SDCCAG8: variants seen among roughly 807,000 people sequenced by gnomAD.
SDCCAG8 encodes the protein SHH signaling and ciliogenesis regulator SDCCAG8.
Under a neutral mutation model 101.8 loss-of-function variants are expected in SDCCAG8, and 74 were observed. That is an observed-to-expected ratio of 0.73 (90% CI 0.60 to 0.88). The LOEUF (loss-of-function observed/expected upper bound fraction) is 0.88, where lower values mean the gene tolerates loss of function less well. Ranked by LOEUF, SDCCAG8 falls within the 40% of genes least tolerant of loss-of-function variation. The pLI is 0.00. For synonymous variants in SDCCAG8, 281 were observed against 292.9 expected, an observed-to-expected ratio of 0.96 and a Z score of 0.41; for missense variants, 787 against 822.6, an observed-to-expected ratio of 0.96 and a Z score of 0.53.
chr1:243,477,323 T>C (rs909911307), intron 16 of SDCCAG8, among the ~76,000 whole-genome samples: 2 of 152,210 alleles, frequency 1.3e-5, no homozygotes, highest in African/African-American at 4.8e-5. Context: ...CATTCCTCTG[T>C]CCCATTTCCT....
At chr1:243,405,686 C>T (rs914397100) in intron 13 of SDCCAG8, among the ~76,000 whole-genome samples, 28 of 151,826 alleles carry the variant, frequency 1.8e-4, no homozygotes, top group Non-Finnish European at 1.5e-4. Context: ...TTGTAAATGG[C>T]GAGAATTCTG....
At chr1:243,386,529 G>A (rs188957239) in intron 13 of SDCCAG8, among the ~76,000 whole-genome samples, 68 of 152,178 alleles carry the variant, frequency 4.5e-4, no homozygotes, top group Non-Finnish European at 7.9e-4. Flanking sequence ...CGAGACAGGC[G>A]GATCACGAGG....
intron 16 of SDCCAG8, among the ~76,000 whole-genome samples, chr1:243,473,432 AAC>A (rs1343126956): frequency 6.6e-6 from 1 of 152,200 alleles, no homozygotes; most frequent in Non-Finnish European, 1.5e-5. Context: ...GCACTGAAGA[AAC>A]AAAGTAAAAA....
At chr1:243,381,363 G>T (rs1324379099) in intron 13 of SDCCAG8, among the ~76,000 whole-genome samples, 1 of 151,982 alleles carries the variant, frequency 6.6e-6, no homozygotes, top group Admixed American at 6.6e-5. Context: ...CCAAGACAGG[G>T]GAATCACTTG....
At chr1:243,260,219 G>A (rs566720526) in intron 1 of SDCCAG8, among the ~76,000 whole-genome samples, 5 of 152,342 alleles carry the variant, frequency 3.3e-5, no homozygotes, top group African/African-American at 1.2e-4. Flanking sequence ...TAAATGGTCT[G>A]AAAGTTTCCA....
intron 12 of SDCCAG8, among the ~76,000 whole-genome samples, chr1:243,353,705 A>G (rs1409699893): frequency 6.6e-6 from 1 of 151,968 alleles, no homozygotes; most frequent in Non-Finnish European, 1.5e-5. Context: ...CTCTGTTGTA[A>G]TAGATTGCTC....
At chr1:243,266,914 G>A (rs1197624340) in intron 1 of SDCCAG8, among the ~76,000 whole-genome samples, 5 of 135,040 alleles carry the variant, frequency 3.7e-5, no homozygotes, top group African/African-American at 1.4e-4. Flanking sequence ...TTGCACTCCA[G>A]CCTGGGCAAC....
chr1:243,330,557 C>T lies in SDCCAG8; in HGVS notation c.1086C>T (p.Asp362=), dbSNP rs753378348. The T allele has an allele frequency of 6.2e-6, 10 of 1,613,848 alleles. No homozygotes were observed. In the African/African-American group the frequency reaches 9.4e-5, roughly 15 times the overall value. The change falls in exon 10 of 18, where the codon GAC becomes GAT. Residue 362 remains aspartate (D), a synonymous_variant. Transcript: ENST00000366541. ...CCTGGCAGGCTTTAATCCAGTGTGA[C>T]CAGTTGAGGAAGGAGCTGGAGAGGC... ...FEKTKALIQC[D]QLRKELERQA...
chr1:243,414,577 A>G (rs2080434375), intron 13 of SDCCAG8, among the ~76,000 whole-genome samples: 1 of 152,138 alleles, frequency 6.6e-6, no homozygotes, highest in Non-Finnish European at 1.5e-5. Context: ...ACCAATTTTA[A>G]TACAGGCTTT....
At chr1:243,376,655 G>A (rs1204568294) in intron 12 of SDCCAG8, among the ~76,000 whole-genome samples, 4 of 151,678 alleles carry the variant, frequency 2.6e-5, no homozygotes, top group Non-Finnish European at 4.4e-5. Context: ...TCAAAATTCC[G>A]GAGTAATCTT....
intron 16 of SDCCAG8, among the ~76,000 whole-genome samples, chr1:243,455,246 T>C (rs2083655452): frequency 6.6e-6 from 1 of 152,192 alleles, no homozygotes; most frequent in Non-Finnish European, 1.5e-5. Flanking sequence ...TAAACGTTAA[T>C]TGCTTTACTT....
At chr1:243,296,875 G>A (rs936840540) in intron 6 of SDCCAG8, among the ~76,000 whole-genome samples, 14 of 152,132 alleles carry the variant, frequency 9.2e-5, no homozygotes, top group South Asian at 4.1e-4. Flanking sequence ...CCAGCCATCA[G>A]TCCTCATTGC....
intron 8 of SDCCAG8, among the ~76,000 whole-genome samples, chr1:243,315,614 CAA>C (rs1411960023): frequency 6.6e-6 from 1 of 152,108 alleles, no homozygotes; most frequent in African/African-American, 2.4e-5. Context: ...CCAAATACCA[CAA>C]ATAGTTTATT....
At chr1:243,337,911 C>T (rs556468876) in intron 10 of SDCCAG8, among the ~76,000 whole-genome samples, 41 of 152,104 alleles carry the variant, frequency 2.7e-4, no homozygotes, top group African/African-American at 9.6e-4. Context: ...CCATATAATT[C>T]CTTCTCTAGG....
chr1:243,380,415 CT>C (rs2077865878), intron 13 of SDCCAG8, among the ~76,000 whole-genome samples: 1 of 152,164 alleles, frequency 6.6e-6, no homozygotes, highest in Non-Finnish European at 1.5e-5. Flanking sequence ...AATAGGACAG[CT>C]TTTAATGTCT....
At chr1:243,475,345 C>G (rs971398761) in intron 16 of SDCCAG8, among the ~76,000 whole-genome samples, 3 of 152,130 alleles carry the variant, frequency 2.0e-5, no homozygotes, top group African/African-American at 4.8e-5. Flanking sequence ...AGGTGCTCAC[C>G]AGGAGTGGGG....
intron 16 of SDCCAG8, among the ~76,000 whole-genome samples, chr1:243,478,761 A>G (rs1662903019): frequency 6.6e-6 from 1 of 152,054 alleles, no homozygotes; most frequent in Non-Finnish European, 1.5e-5. Flanking sequence ...GATCGAGACC[A>G]TCCTGGCCAA....
chr1:243,281,498 CTCTA>C lies in SDCCAG8; in HGVS notation c.421-4770_421-4767del, dbSNP rs553136228. On this transcript the variant is annotated intron_variant, in intron 4 of 17. Coordinates refer to ENST00000366541, the MANE Select transcript of SDCCAG8 (RefSeq NM_006642.5). ...TCTTTTTTTTAACCATTCTGACAGT[CTCTA>C]TCTTTTAGTTGGTATATTCAGACCA... Among the ~76,000 whole-genome samples the C allele has an allele frequency of 2.4e-4, 37 of 151,680 alleles. 1 individual carries two copies. The South Asian group carries it at 5.0e-3, about 20-fold the overall frequency.
At chr1:243,433,306 C>T (rs989106797) in intron 16 of SDCCAG8, among the ~76,000 whole-genome samples, 1 of 149,730 alleles carries the variant, frequency 6.7e-6, no homozygotes, top group Non-Finnish European at 1.5e-5. Flanking sequence ...GAGCCGAGAT[C>T]GCGCCACTGC....
Sources: allele counts gnomAD v4.1 joint callset (sites outside exome capture counted in the v4.1 genomes callset), GRCh38; gene constraint gnomAD v4.1.1; transcripts MANE v1.5; gene names NCBI Gene and HGNC (gene_info 2026-07-23, HGNC 2026-07-21).